The following INPP4B variants were observed in gnomAD, a reference collection of about 807,000 sequenced individuals.
The protein encoded by INPP4B is inositol polyphosphate 4-phosphatase type II.
Under a neutral mutation model 122.5 loss-of-function variants are expected in INPP4B, and 55 were observed. The ratio of observed to expected loss-of-function variants is 0.45; its 90% CI spans 0.36 to 0.56. The LOEUF (loss-of-function observed/expected upper bound fraction) is 0.56, where lower values mean the gene tolerates loss of function less well. Ranked by LOEUF, INPP4B falls within the 20% of genes least tolerant of loss-of-function variation. The pLI, the probability that INPP4B is intolerant of heterozygous loss-of-function variation, is 0.00. For synonymous variants in INPP4B, 403 were observed against 388.7 expected (o/e 1.04, Z -0.43); for missense variants, 1,000 against 1,097.7 (o/e 0.91, Z 1.26).
chr4:142,472,665 CTT>C (rs1819083029), intron 2 of INPP4B, among the ~76,000 whole-genome samples: 1 of 152,084 alleles, frequency 6.6e-6, no homozygotes, highest in Non-Finnish European at 1.5e-5. Flanking sequence ...AAATTTTTTC[CTT>C]TGAGTCTGTA....
At chr4:142,288,592 A>C (rs1754945968) in intron 9 of INPP4B, among the ~76,000 whole-genome samples, 1 of 152,166 alleles carries the variant, frequency 6.6e-6, no homozygotes, top group South Asian at 2.1e-4. Context: ...CAGGAAGAAA[A>C]AAAAAGAAAA....
chr4:142,568,107 A>G lies in INPP4B; in HGVS notation c.-190-105381T>C, dbSNP rs939227895. Among the ~76,000 whole-genome samples, 5 of 151,584 alleles carry G rather than the reference A, an allele frequency of 3.3e-5. No homozygotes were observed. In the South Asian group the frequency reaches 6.2e-4, roughly 19 times the overall value. ...CTCTGCATTCTTTCCCTCTGATTCTAGTTTGGCTTTGATTATTCTTTCCCC... is the reference window on the plus strand; with the variant it reads ...CTCTGCATTCTTTCCCTCTGATTCTGGTTTGGCTTTGATTATTCTTTCCCC... On this transcript the variant is annotated intron_variant, in intron 2 of 25. Coordinates refer to ENST00000262992, the MANE Select transcript of INPP4B (RefSeq NM_001101669.3).
intron 2 of INPP4B, among the ~76,000 whole-genome samples, chr4:142,647,535 C>A (rs1752045939): frequency 6.6e-6 from 1 of 152,142 alleles, no homozygotes; most frequent in Non-Finnish European, 1.5e-5. Flanking sequence ...AACGCCTGCC[C>A]AATTGTGTGT....
rs536993086 is a variant in INPP4B at position 142,025,369 on chromosome 4, G to A, written c.*3413C>T. ...TATAAGGTAGTAAAATAATTGGGAA[G>A]TGGTATGTTTTGATTATTACATTGG... On this transcript the variant is annotated 3_prime_UTR_variant, in exon 26 of 26. Coordinates refer to ENST00000262992, the MANE Select transcript of INPP4B (RefSeq NM_001101669.3). The A allele has an allele frequency of 1.3e-5, 2 of 152,314 alleles. No individual in the cohort carries two copies. Among genetic ancestry groups the A allele is most frequent in the Admixed American group, 1.3e-4 (2 of 15,296 alleles). The allele number at this position is 152,314 out of a possible 1,614,324, so 9.4% of individuals were successfully genotyped here.
At chr4:142,186,212 C>A (rs534944419) in intron 15 of INPP4B, among the ~76,000 whole-genome samples, 1 of 152,096 alleles carries the variant, frequency 6.6e-6, no homozygotes, top group African/African-American at 2.4e-5. Context: ...TAGCTAATAT[C>A]GATTAAGACT....
intron 1 of INPP4B, among the ~76,000 whole-genome samples, chr4:142,754,314 G>A (rs529393369): frequency 6.6e-6 from 1 of 151,936 alleles, no homozygotes; most frequent in Non-Finnish European, 1.5e-5. Context: ...TTTTTATTTG[G>A]GCTGAAGTAA....
At chr4:142,475,779 A>G (rs1161752362) in intron 2 of INPP4B, among the ~76,000 whole-genome samples, 1 of 152,206 alleles carries the variant, frequency 6.6e-6, no homozygotes, top group Non-Finnish European at 1.5e-5. Context: ...AAATTAACTC[A>G]GACAAAAAAC....
chr4:142,599,446 A>C (rs930251568), intron 2 of INPP4B, among the ~76,000 whole-genome samples: 5 of 152,204 alleles, frequency 3.3e-5, no homozygotes, highest in Non-Finnish European at 7.4e-5. Context: ...AAAATCATAC[A>C]GAGAATATGC....
intron 7 of INPP4B, among the ~76,000 whole-genome samples, chr4:142,397,636 A>C (rs1435245605): frequency 2.6e-5 from 4 of 151,996 alleles, no homozygotes; most frequent in Admixed American, 2.0e-4. Context: ...TCAGGAGATG[A>C]GACCATCCTG....
At chr4:142,812,726 A>C (rs1232970911) in intron 1 of INPP4B, among the ~76,000 whole-genome samples, 1 of 152,146 alleles carries the variant, frequency 6.6e-6, no homozygotes, top group East Asian at 1.9e-4. Flanking sequence ...AGAACACCTA[A>C]TTTTAGTGAA....
chr4:142,036,278 A>T (rs1349033480), intron 25 of INPP4B, among the ~76,000 whole-genome samples: 1 of 152,198 alleles, frequency 6.6e-6, no homozygotes, highest in Non-Finnish European at 1.5e-5. Context: ...AACTTTATTG[A>T]AATCTTGATT....
chr4:142,161,019 TAAAG>T (rs1329338736), intron 16 of INPP4B, among the ~76,000 whole-genome samples: 3 of 152,018 alleles, frequency 2.0e-5, no homozygotes, highest in African/African-American at 7.2e-5. Context: ...AGTTAAAGAC[TAAAG>T]AAAGACATAC....
At chr4:142,688,498 T>C (rs919025488) in intron 2 of INPP4B, among the ~76,000 whole-genome samples, 1 of 152,162 alleles carries the variant, frequency 6.6e-6, no homozygotes, top group Non-Finnish European at 1.5e-5. Context: ...GTCTCCTACA[T>C]GCCCTGAAGC....
chr4:142,112,704 G>A (rs1309794696), intron 21 of INPP4B, 22 bp from the exon 22 acceptor site: 5 of 1,588,240 alleles, frequency 3.1e-6, no homozygotes, highest in Non-Finnish European at 4.3e-6. Flanking sequence ...AGAGGACAAA[G>A]GGAAGAAACA....
At chr4:142,781,834 A>T (rs1774873514) in intron 1 of INPP4B, among the ~76,000 whole-genome samples, 2 of 152,098 alleles carry the variant, frequency 1.3e-5, no homozygotes, top group South Asian at 4.1e-4. Flanking sequence ...GCATAAGAAA[A>T]TAAGCATGTA....
intron 12 of INPP4B, among the ~76,000 whole-genome samples, chr4:142,224,958 G>T (rs1419665823): frequency 2.0e-5 from 3 of 152,082 alleles, no homozygotes; most frequent in African/African-American, 7.2e-5. Flanking sequence ...TAAAGTGACG[G>T]TTAACATTAA....
intron 2 of INPP4B, among the ~76,000 whole-genome samples, chr4:142,684,584 G>A (rs529879738): frequency 3.9e-5 from 6 of 151,992 alleles, no homozygotes; most frequent in African/African-American, 9.6e-5. Context: ...ACTGAGAAAG[G>A]TCTGAGAATT....
Position 142,354,497 on chromosome 4 carries a change from GAA to G in INPP4B, c.373-39737_373-39736del, listed in dbSNP as rs1452970691. On this transcript the variant is annotated intron_variant, in intron 7 of 25. Transcript: ENST00000262992. ...CTTTTATCTATCTTGGGCATTTAAG[GAA>G]TAAACCGGCCAGAACAATTCAGATG... Among the ~76,000 whole-genome samples, 4 of 151,830 alleles carry G rather than the reference GAA, an allele frequency of 2.6e-5. No homozygotes were observed. In the East Asian group the frequency reaches 5.8e-4, roughly 22 times the overall value.
At chr4:142,240,647 C>A (rs2150013347) in intron 11 of INPP4B, among the ~76,000 whole-genome samples, 1 of 152,244 alleles carries the variant, frequency 6.6e-6, no homozygotes, top group Admixed American at 6.5e-5. Context: ...AATTGCGTAT[C>A]TTTATCATTA....
Sources: gnomAD v4.1 joint callset for allele counts (sites outside exome capture counted in the v4.1 genomes callset) on GRCh38, gnomAD v4.1.1 for gene constraint, MANE v1.5 for transcripts, NCBI Gene and HGNC (gene_info 2026-07-23, HGNC 2026-07-21) for gene names.